SH2B2: variants seen among roughly 807,000 people sequenced by gnomAD.
SH2B2 encodes the protein SH2B adaptor protein 2.
Under a neutral mutation model 35.7 loss-of-function variants are expected in SH2B2, and 37 were observed. That is an observed-to-expected ratio of 1.04 (90% confidence interval 0.80 to 1.36). The LOEUF (loss-of-function observed/expected upper bound fraction) is 1.36, where lower values mean the gene tolerates loss of function less well. SH2B2 is among the 40% of genes most tolerant of loss of function. SH2B2 has a pLI of 0.00. For missense variants in SH2B2, 852 were observed against 817.7 expected, an observed-to-expected ratio of 1.04 and a Z score of -0.51; for synonymous variants, 383 against 376.4, an observed-to-expected ratio of 1.02 and a Z score of -0.20.
At chr7:102,294,895 C>T (rs782339897) in intron 1 of SH2B2, among the ~76,000 whole-genome samples, 1 of 152,244 alleles carries the variant, frequency 6.6e-6, no homozygotes, top group Non-Finnish European at 1.5e-5. Flanking sequence ...ATCAGGCCCA[C>T]AGGCTCCTGG....
At position 102,301,581 on chromosome 7, in the gene SH2B2, T is replaced by TGC. The variant is rs1206135872; in HGVS notation, c.729+310_729+311dup. 5.9e-3 allele frequency among the ~76,000 whole-genome samples: 870 copies of TGC among 147,392 alleles called. 8 individuals carry two copies. The highest frequency in any genetic ancestry group is 0.021 in the African/African-American group (798 of 37,988). On this transcript the variant is annotated intron_variant, in intron 2 of 8. Coordinates refer to ENST00000444095, the MANE Select transcript of SH2B2 (RefSeq NM_001359228.2). ...GTCCGTGTGTGTGTGTGTGTGTGTGTGCGCGCGCGTGTGTGTGTGTCCCTC... is the reference window on the plus strand; with the variant it reads ...GTCCGTGTGTGTGTGTGTGTGTGTGTGCGCGCGCGCGTGTGTGTGTGTCCCTC...
chr7:102,320,549 C>A (rs962523258), intron 8 of SH2B2, 47 bp downstream of exon 8: 2 of 1,582,958 alleles, frequency 1.3e-6, no homozygotes, highest in South Asian at 1.1e-5. Flanking sequence ...GAAGACTTCC[C>A]GTTGATTACT....
chr7:102,288,898 C>CCA (rs1792563865), intron 1 of SH2B2, among the ~76,000 whole-genome samples: 1 of 152,238 alleles, frequency 6.6e-6, no homozygotes, highest in African/African-American at 2.4e-5. Context: ...GCCTACCCAG[C>CCA]CTGGGTTGCA....
In SH2B2 at chr7:102,300,903, C is replaced by T; in HGVS notation, c.353C>T (p.Ser118Leu). The T allele has an allele frequency of 1.4e-6, 2 of 1,475,998 alleles. No individual in the cohort carries two copies. Among genetic ancestry groups the T allele is most frequent in the Non-Finnish European group, 1.8e-6 (2 of 1,118,188 alleles). The allele number at this position is 1,475,998 out of a possible 1,614,324, so 91.4% of individuals were successfully genotyped here. ...GCGCCCTACGGCCACTCGCGGAGCT[C>T]GGAGGACGTGTCCACGCACGCGGCC... ...KAAPYGHSRS[S>L]EDVSTHAATK... is the part of the protein sequence containing the mutation. Residue 118 changes from serine to leucine, a missense_variant, in exon 2 of 9, where the codon TCG (serine) becomes TTG (leucine). This residue lies in a region of SH2B2 where 294 missense variants were observed against 286.6 expected (regional missense o/e 1.03). Transcript: ENST00000444095.
intron 1 of SH2B2, among the ~76,000 whole-genome samples, chr7:102,296,744 G>A (rs573959533): frequency 1.3e-5 from 2 of 152,372 alleles, no homozygotes; most frequent in East Asian, 3.9e-4. Context: ...CCAGATTCCA[G>A]AACGTGGGAA....
intron 4 of SH2B2, chr7:102,309,153 G>A (rs1793516635): frequency 3.2e-6 from 2 of 622,076 alleles, no homozygotes; most frequent in East Asian, 3.3e-5. Flanking sequence ...AGTTGGACCA[G>A]GTCTTGTCTT....
chr7:102,301,087 G>T lies in SH2B2; in HGVS notation c.537G>T (p.Leu179=). The T allele has an allele frequency of 7.0e-7, 1 of 1,418,460 alleles. No homozygotes were observed. 87.9% of individuals were successfully genotyped at this position (1,418,460 alleles called of 1,614,324 possible). Residue 179 remains leucine (L), a synonymous_variant, in exon 2 of 9, where the codon CTG becomes CTT. Transcript: ENST00000444095. ...AEPRDKWTRR[L]RLSRTLAAKV... ...CCCGCGACAAGTGGACGCGGCGCCTGAGGCTGTCGCGGACGCTGGCTGCCA... is the reference window on the plus strand; with the variant it reads ...CCCGCGACAAGTGGACGCGGCGCCTTAGGCTGTCGCGGACGCTGGCTGCCA...
chr7:102,288,824 C>T (rs923561453), intron 1 of SH2B2, among the ~76,000 whole-genome samples: 7 of 152,210 alleles, frequency 4.6e-5, no homozygotes, highest in African/African-American at 9.6e-5. Context: ...CCCAAAGTCC[C>T]GCAGTCAACG....
In SH2B2 at chr7:102,308,848, A is replaced by G. The variant is rs1793503836; in HGVS notation, c.865A>G (p.Ile289Val). The change falls in exon 4 of 9, where the codon ATC becomes GTC. Residue 289 changes from isoleucine to valine, a missense_variant. Coordinates refer to ENST00000444095, the MANE Select transcript of SH2B2 (RefSeq NM_001359228.2). ...ENGAEYILET[I>V]DSLQKHSWVA... Reference sequence around the variant, plus strand: ...TGGAGCCGAATACATCTTGGAGACCATCGACTCTCTGCAGAAGCACTCGTG... The same window carrying G: ...TGGAGCCGAATACATCTTGGAGACCGTCGACTCTCTGCAGAAGCACTCGTG... 1.9e-6 allele frequency: 3 copies of G among 1,613,626 alleles called. No individual in the cohort carries two copies. The highest frequency in any genetic ancestry group is 1.1e-5 in the South Asian group (1 of 91,086).
chr7:102,287,686 C>A (rs570188597), intron 1 of SH2B2, among the ~76,000 whole-genome samples: 16 of 152,260 alleles, frequency 1.1e-4, no homozygotes, highest in African/African-American at 3.8e-4. Context: ...TAAGAAGGGG[C>A]GGGTTCGTGC....
chr7:102,317,764 G>A (rs562322803), intron 7 of SH2B2, among the ~76,000 whole-genome samples: 10 of 152,250 alleles, frequency 6.6e-5, no homozygotes, highest in African/African-American at 2.2e-4. Flanking sequence ...CCCAGAGATC[G>A]CCCAGTGGGG....
intron 1 of SH2B2, among the ~76,000 whole-genome samples, chr7:102,289,548 G>T (rs1188792545): frequency 6.6e-6 from 1 of 152,160 alleles, no homozygotes. Flanking sequence ...GATCAGCCAG[G>T]CTGGGAGTTG....
At chr7:102,295,764 T>C (rs1218972838) in intron 1 of SH2B2, among the ~76,000 whole-genome samples, 1 of 152,116 alleles carries the variant, frequency 6.6e-6, no homozygotes, top group African/African-American at 2.4e-5. Flanking sequence ...GGATTAATTA[T>C]TGAAGTGTGA....
At chr7:102,292,876 G>T (rs1206982650) in intron 1 of SH2B2, among the ~76,000 whole-genome samples, 1 of 149,806 alleles carries the variant, frequency 6.7e-6, no homozygotes. Context: ...CAGGAGGAAG[G>T]GGGGGTCTCT....
rs71123035 is a variant in SH2B2, at chr7:102,299,197, C to CTTTTTTTTTTTTTTTTTTTTTTT, written c.-29-1306_-29-1305insTTTTTTTTTTTTTTTTTTTTTTT. 9.2e-3 allele frequency among the ~76,000 whole-genome samples: 227 copies of CTTTTTTTTTTTTTTTTTTTTTTT among 24,622 alleles called. 67 individuals carry two copies. Among genetic ancestry groups the CTTTTTTTTTTTTTTTTTTTTTTT allele is most frequent in the Non-Finnish European group, 0.011 (154 of 14,428 alleles). The allele number at this position is 24,622 out of a possible 152,430, so 16.2% of individuals were successfully genotyped here. ...TACAGGCATGAGCCACCGCGCCTGGCTTTTTTTTTTTTTTTTTTTGAGGTG... is the reference window on the plus strand; with the variant it reads ...TACAGGCATGAGCCACCGCGCCTGGCTTTTTTTTTTTTTTTTTTTTTTTTTTTTTTTTTTTTTTTTTTGAGGTG... On this transcript the variant is annotated intron_variant, in intron 1 of 8. Transcript: ENST00000444095.
At position 102,296,376 on chromosome 7, in the gene SH2B2, G is replaced by C. The variant is rs920924042; in HGVS notation, c.-29-4146G>C. ...CTGTGGGGACCCTGGGAGGACAGGC[G>C]AGGGCATGATCCTCTAACTCATTTC... On this transcript the variant is annotated intron_variant, in intron 1 of 8. Coordinates refer to ENST00000444095, the MANE Select transcript of SH2B2 (RefSeq NM_001359228.2). 2.0e-5 allele frequency among the ~76,000 whole-genome samples: 3 copies of C among 152,220 alleles called. No homozygotes were observed. The South Asian group carries it at 6.2e-4, about 31-fold the overall frequency.
intron 1 of SH2B2, 117 bp downstream of exon 1, chr7:102,287,211 G>T (rs1431343811): frequency 6.6e-6 from 1 of 152,078 alleles, no homozygotes; most frequent in African/African-American, 2.4e-5. Context: ...GGCCGCACGC[G>T]CCTTGGTCCG....
At chr7:102,298,728 A>C (rs1184360424) in intron 1 of SH2B2, among the ~76,000 whole-genome samples, 3 of 151,906 alleles carry the variant, frequency 2.0e-5, no homozygotes, top group Non-Finnish European at 4.4e-5. Context: ...CACCTTGCCC[A>C]GCTAATTTTA....
chr7:102,306,955 G>A (rs189453200), intron 3 of SH2B2, 133 bp downstream of exon 3: 2 of 707,202 alleles, frequency 2.8e-6, no homozygotes, highest in Non-Finnish European at 4.9e-6. Flanking sequence ...GCCCTGGTGT[G>A]GGGGGTTCCC....
Sources: allele counts gnomAD v4.1 joint callset (sites outside exome capture counted in the v4.1 genomes callset), GRCh38; gene constraint gnomAD v4.1.1; regional missense constraint gnomAD v4.1.1; transcripts MANE v1.5; gene names NCBI Gene and HGNC (gene_info 2026-07-23, HGNC 2026-07-21).